The following GRID2 variants were observed in gnomAD, a reference collection of about 807,000 sequenced individuals.
GRID2 encodes the protein glutamate receptor ionotropic, delta-2.
A neutral mutation model predicts 114.8 loss-of-function variants in GRID2; 33 were observed. The observed-to-expected ratio is 0.29, with a 90% confidence interval of 0.22 to 0.38. The LOEUF (loss-of-function observed/expected upper bound fraction) is 0.38. GRID2 is among the 10% of genes least tolerant of loss of function. GRID2 has a pLI of 1.00. For synonymous variants in GRID2, 505 were observed against 449.9 expected, an observed-to-expected ratio of 1.12 and a Z score of -1.55; for missense variants, 1,184 against 1,257.7, an observed-to-expected ratio of 0.94 and a Z score of 0.89.
intron 15 of GRID2, among the ~76,000 whole-genome samples, chr4:93,770,680 C>T (rs1011949537): frequency 1.3e-5 from 2 of 152,012 alleles, no homozygotes; most frequent in Admixed American, 1.3e-4. Context: ...CTGGTATCTC[C>T]GTTGACATTG....
At chr4:93,538,694 C>T (rs1406753475) in intron 13 of GRID2, among the ~76,000 whole-genome samples, 13 of 151,638 alleles carry the variant, frequency 8.6e-5, no homozygotes, top group Non-Finnish European at 5.9e-5. Flanking sequence ...CAAGTCTAAT[C>T]ATGAGAAAAG....
intron 5 of GRID2, among the ~76,000 whole-genome samples, chr4:93,213,860 G>A (rs530006304): frequency 2.0e-5 from 3 of 152,142 alleles, no homozygotes; most frequent in African/African-American, 7.2e-5. Context: ...AATTATTAAA[G>A]CAAAGTGAAT....
intron 2 of GRID2, among the ~76,000 whole-genome samples, chr4:92,655,758 C>T (rs1732200673): frequency 6.6e-6 from 1 of 151,490 alleles, no homozygotes; most frequent in Non-Finnish European, 1.5e-5. Context: ...AGTTCTAAGT[C>T]TTCAGATTTT....
At chr4:92,908,737 G>C (rs1399350914) in intron 2 of GRID2, among the ~76,000 whole-genome samples, 1 of 151,980 alleles carries the variant, frequency 6.6e-6, no homozygotes, top group East Asian at 1.9e-4. Flanking sequence ...ATTTATTTTG[G>C]AAAATTAAAT....
At chr4:92,781,436 T>A (rs1420549746) in intron 2 of GRID2, among the ~76,000 whole-genome samples, 1 of 152,102 alleles carries the variant, frequency 6.6e-6, no homozygotes, top group Non-Finnish European at 1.5e-5. Context: ...GTTTATACAC[T>A]TATTTCCCAT....
chr4:92,722,560 G>A lies in GRID2; in HGVS notation c.244+132274G>A, dbSNP rs139774038. ...ATGACAAGGGGAAAGAGAAAAAGAA[G>A]ATATTAACTAAGTGTGGCCCAGTTA... On this transcript the variant is annotated intron_variant, in intron 2 of 15. Transcript: ENST00000282020. Among the ~76,000 whole-genome samples, 163 of 152,142 alleles carry A rather than the reference G, an allele frequency of 1.1e-3. 2 individuals carry two copies. The highest frequency in any genetic ancestry group is 3.8e-3 in the African/African-American group (156 of 41,534).
intron 9 of GRID2, among the ~76,000 whole-genome samples, chr4:93,422,489 C>T (rs750356698): frequency 1.2e-4 from 19 of 152,128 alleles, no homozygotes; most frequent in Non-Finnish European, 2.5e-4. Flanking sequence ...TCAGATTGGT[C>T]CTCCGAGGAC....
At chr4:93,000,825 A>C (rs1380898263) in intron 2 of GRID2, among the ~76,000 whole-genome samples, 1 of 134,718 alleles carries the variant, frequency 7.4e-6, no homozygotes, top group African/African-American at 2.7e-5. Flanking sequence ...GGTGGGTGGG[A>C]GAAGGGGGTT....
chr4:92,392,280 C>T (rs938085779), intron 1 of GRID2, among the ~76,000 whole-genome samples: 16 of 151,874 alleles, frequency 1.1e-4, no homozygotes, highest in African/African-American at 2.2e-4. Context: ...CTTGGCTGGG[C>T]GCGGTGGCCT....
intron 2 of GRID2, among the ~76,000 whole-genome samples, chr4:92,989,768 T>C (rs1342594136): frequency 6.6e-6 from 1 of 152,144 alleles, no homozygotes; most frequent in Non-Finnish European, 1.5e-5. Context: ...TTTCACACAA[T>C]TCATCATAAT....
intron 1 of GRID2, among the ~76,000 whole-genome samples, chr4:92,336,276 A>C (rs1286241954): frequency 6.6e-6 from 1 of 152,174 alleles, no homozygotes; most frequent in Non-Finnish European, 1.5e-5. Flanking sequence ...TGTCTGTTTC[A>C]GTGACAGGCA....
chr4:93,358,468 T>C (rs1432341977), intron 8 of GRID2, among the ~76,000 whole-genome samples: 1 of 151,986 alleles, frequency 6.6e-6, no homozygotes, highest in Non-Finnish European at 1.5e-5. Flanking sequence ...TAAGCATCCA[T>C]GGAACATTGA....
intron 1 of GRID2, among the ~76,000 whole-genome samples, chr4:93,781,878 T>C (rs550884734): frequency 6.6e-6 from 1 of 152,224 alleles, no homozygotes; most frequent in South Asian, 2.1e-4. Context: ...GCATTTGACT[T>C]CCAGTTAAGA....
intron 2 of GRID2, among the ~76,000 whole-genome samples, chr4:92,651,642 A>G (rs1184358646): frequency 6.6e-6 from 1 of 152,032 alleles, no homozygotes; most frequent in Non-Finnish European, 1.5e-5. Flanking sequence ...CAATTTTCCA[A>G]TCATGTTCCT....
chr4:93,096,356 T>A (rs1731224771), intron 3 of GRID2, among the ~76,000 whole-genome samples: 1 of 152,012 alleles, frequency 6.6e-6, no homozygotes, highest in Non-Finnish European at 1.5e-5. Flanking sequence ...TTTCTCAAAA[T>A]TAAAACGTTC....
chr4:93,672,368 G>C (rs1016868064), intron 14 of GRID2, among the ~76,000 whole-genome samples: 1 of 152,366 alleles, frequency 6.6e-6, no homozygotes, highest in African/African-American at 2.4e-5. Context: ...GACATGTACA[G>C]CATGTCACGT....
At chr4:92,900,833 C>CAAAAAAA (rs34089162) in intron 2 of GRID2, among the ~76,000 whole-genome samples, 2 of 72,332 alleles carry the variant, frequency 2.8e-5, no homozygotes, top group Admixed American at 1.9e-4. Flanking sequence ...GACTTCGTCT[C>CAAAAAAA]AAAAAAAAAA....
At position 93,042,020 on chromosome 4, in the gene GRID2, A is replaced by G. The variant is rs191406433; in HGVS notation, c.245-42975A>G. On this transcript the variant is annotated intron_variant, in intron 2 of 15. Transcript: ENST00000282020. ...CAGGTTCACACCATTCTCCTGCCTCAGCCTCCTGAGTAGCTGGGACTACAG... is the reference window on the plus strand; with the variant it reads ...CAGGTTCACACCATTCTCCTGCCTCGGCCTCCTGAGTAGCTGGGACTACAG... 4.8e-3 allele frequency among the ~76,000 whole-genome samples: 729 copies of G among 152,044 alleles called. 8 individuals are homozygous for G. Among genetic ancestry groups the G allele is most frequent in the African/African-American group, 0.017 (699 of 41,444 alleles).
At chr4:92,559,331 A>G (rs1293316017) in intron 1 of GRID2, among the ~76,000 whole-genome samples, 1 of 152,182 alleles carries the variant, frequency 6.6e-6, no homozygotes, top group Non-Finnish European at 1.5e-5. Flanking sequence ...TTCTAATTAC[A>G]GAAGGAGTAT....
Sources: allele counts gnomAD v4.1 joint callset (sites outside exome capture counted in the v4.1 genomes callset), GRCh38; gene constraint gnomAD v4.1.1; transcripts MANE v1.5; gene names NCBI Gene and HGNC (gene_info 2026-07-23, HGNC 2026-07-21).